Variants in CELSR1 observed in about 807,000 individuals in gnomAD.
The protein encoded by CELSR1 is adhesion G protein-coupled receptor C1.
A neutral mutation model predicts 249.1 loss-of-function variants in CELSR1; 110 were observed. That is an observed-to-expected ratio of 0.44 (90% confidence interval 0.38 to 0.52). The LOEUF (loss-of-function observed/expected upper bound fraction) is 0.52, where lower values mean the gene tolerates loss of function less well. Ranked by LOEUF, CELSR1 falls within the 20% of genes least tolerant of loss-of-function variation. CELSR1 has a pLI of 0.00. For missense variants in CELSR1, 4,109 were observed against 4,296.4 expected, an observed-to-expected ratio of 0.96 and a Z score of 1.22; for synonymous variants, 2,113 against 1,900.0, an observed-to-expected ratio of 1.11 and a Z score of -2.92.
In CELSR1 at chr22:46,361,176, C is replaced by T. The variant is rs534971184; in HGVS notation, c.*2047G>A. ...GAGAAAAACCAGCACCGCAGAAGTACAAATTCAAAAATCTTAATTTATTGT... is the reference window on the plus strand; with the variant it reads ...GAGAAAAACCAGCACCGCAGAAGTATAAATTCAAAAATCTTAATTTATTGT... On this transcript the variant is annotated 3_prime_UTR_variant, in exon 35 of 35. Transcript: ENST00000674500. The T allele has an allele frequency of 1.3e-5, 2 of 152,480 alleles. No individual in the cohort carries two copies. Among genetic ancestry groups the T allele is most frequent in the Non-Finnish European group, 2.9e-5 (2 of 68,032 alleles). The allele number at this position is 152,480 out of a possible 1,614,324, so 9.4% of individuals were successfully genotyped here.
Position 46,409,658 on chromosome 22 carries a change from T to G in CELSR1, c.5059+97A>C. 2.2e-5 allele frequency: 32 copies of G among 1,468,468 alleles called. 1 individual carries two copies. Among genetic ancestry groups the G allele is most frequent in the Non-Finnish European group, 2.3e-5 (25 of 1,067,068 alleles). 91.0% of individuals were successfully genotyped at this position (1,468,468 alleles called of 1,614,324 possible). ...ATATACCACCAGAGGCTGCCGGACC[T>G]GGATGTGAAGCCCCCTCACGGTGGT... is the stretch of plus-strand genomic sequence containing the variant. On this transcript the variant is annotated intron_variant, in intron 8 of 34. Transcript: ENST00000674500. This position sits in a 1 kb window ranked among gnomAD's most constrained non-coding sequence, Gnocchi z 9.8.
Position 46,413,905 on chromosome 22 carries a change from T to G in CELSR1, c.4612-2146A>C, listed in dbSNP as rs738446. ...CTTTACAACTTATAATTTACATTTT[T>G]GGGGCTGGGCGTGAGACTACTGGAG... On this transcript the variant is annotated intron_variant, in intron 5 of 34. Coordinates refer to ENST00000674500, the MANE Select transcript of CELSR1 (RefSeq NM_001378328.1). The surrounding 1 kb of genome is among the most constrained non-coding windows in gnomAD (Gnocchi z 4.7). 0.058 allele frequency among the ~76,000 whole-genome samples: 8,834 copies of G among 152,298 alleles called. 375 individuals are homozygous for G. The highest frequency in any genetic ancestry group is 0.095 in the Middle Eastern group (28 of 294).
At chr22:46,515,268 G>T (rs964087431) in intron 1 of CELSR1, among the ~76,000 whole-genome samples, 8 of 152,198 alleles carry the variant, frequency 5.3e-5, no homozygotes, top group African/African-American at 1.9e-4. Flanking sequence ...CCCCACCTGG[G>T]CCCTCCTGGG....
chr22:46,458,335 A>C (rs2079980992), intron 2 of CELSR1, among the ~76,000 whole-genome samples: 1 of 152,146 alleles, frequency 6.6e-6, no homozygotes, highest in South Asian at 2.1e-4. Flanking sequence ...TGATGTGACA[A>C]ATGCCTGCTT....
chr22:46,497,367 G>A (rs941862610), intron 1 of CELSR1, among the ~76,000 whole-genome samples: 1 of 152,044 alleles, frequency 6.6e-6, no homozygotes, highest in Non-Finnish European at 1.5e-5. Context: ...TTACTGCATT[G>A]ACTAAGACTT....
At chr22:46,457,768 A>G (rs1482573602) in intron 2 of CELSR1, among the ~76,000 whole-genome samples, 1 of 152,236 alleles carries the variant, frequency 6.6e-6, no homozygotes, top group Non-Finnish European at 1.5e-5. Context: ...GGCAGGACAG[A>G]GTCAGACATA....
At chr22:46,497,891 G>T (rs1452391173) in intron 1 of CELSR1, among the ~76,000 whole-genome samples, 3 of 152,058 alleles carry the variant, frequency 2.0e-5, no homozygotes, top group African/African-American at 7.2e-5. Context: ...CTATGTAAAA[G>T]AACAATGGGA....
At position 46,423,391 on chromosome 22, in the gene CELSR1, C is replaced by T. The variant is rs2147386880; in HGVS notation, c.4611+10002G>A. On this transcript the variant is annotated intron_variant, in intron 5 of 34. Coordinates refer to ENST00000674500, the MANE Select transcript of CELSR1 (RefSeq NM_001378328.1). The surrounding 1 kb of genome is among the most constrained non-coding windows in gnomAD (Gnocchi z 5.6). ...TGGGAGGCCGAGGGGGGCAGATCAC[C>T]TGAGGTCAGGAGTTCAAGACCAGCC... Among the ~76,000 whole-genome samples the T allele has an allele frequency of 6.6e-6, 1 of 152,026 alleles. No homozygotes were observed. The highest frequency in any genetic ancestry group is 2.1e-4 in the South Asian group (1 of 4,804).
chr22:46,414,994 G>A (rs565536510), intron 5 of CELSR1, among the ~76,000 whole-genome samples: 1 of 152,092 alleles, frequency 6.6e-6, no homozygotes, highest in African/African-American at 2.4e-5. Flanking sequence ...GGAACACATC[G>A]CGCTCAGTGA....
chr22:46,520,232 G>A (rs1027786614), intron 1 of CELSR1, among the ~76,000 whole-genome samples: 10 of 152,214 alleles, frequency 6.6e-5, no homozygotes, highest in African/African-American at 1.9e-4. Flanking sequence ...AGGCACAGAA[G>A]GAAGAAGAGC....
Position 46,512,848 on chromosome 22 carries a change from C to T in CELSR1, c.3544+20779G>A, listed in dbSNP as rs947789870. 7.2e-5 allele frequency among the ~76,000 whole-genome samples: 11 copies of T among 152,308 alleles called. No homozygotes were observed. The highest frequency in any genetic ancestry group is 2.1e-4 in the South Asian group (1 of 4,822). ...GGGCCCCCCACCCTCTTGTTCCTTCCGGGTCCGGGCTTGTCCCCCACAGCA... is the reference window on the plus strand; with the variant it reads ...GGGCCCCCCACCCTCTTGTTCCTTCTGGGTCCGGGCTTGTCCCCCACAGCA... On this transcript the variant is annotated intron_variant, in intron 1 of 34. Coordinates refer to ENST00000674500, the MANE Select transcript of CELSR1 (RefSeq NM_001378328.1). This position sits in a 1 kb window ranked among gnomAD's most constrained non-coding sequence, Gnocchi z 5.2.
chr22:46,480,494 A>G (rs192125153), intron 1 of CELSR1, among the ~76,000 whole-genome samples: 19 of 152,360 alleles, frequency 1.2e-4, no homozygotes, highest in Admixed American at 3.3e-4. Flanking sequence ...CCTTGTATAA[A>G]TTACACAAAA....
At chr22:46,493,461 G>A (rs781486521) in intron 1 of CELSR1, among the ~76,000 whole-genome samples, 5 of 151,030 alleles carry the variant, frequency 3.3e-5, no homozygotes, top group Non-Finnish European at 7.4e-5. Flanking sequence ...TAGGAGAATC[G>A]CTTGAACCTG....
rs368264114 is a variant in CELSR1, at chr22:46,402,360, T to C, written c.5227-2458A>G. 1.6e-4 allele frequency among the ~76,000 whole-genome samples: 25 copies of C among 151,930 alleles called. No homozygotes were observed. The highest frequency in any genetic ancestry group is 6.0e-4 in the African/African-American group (25 of 41,470). On this transcript the variant is annotated intron_variant, in intron 9 of 34. Coordinates refer to ENST00000674500, the MANE Select transcript of CELSR1 (RefSeq NM_001378328.1). The surrounding 1 kb of genome is among the most constrained non-coding windows in gnomAD (Gnocchi z 5.0). ...GCCTCCCGAGTAGCTGAGATACAGG[T>C]ACCCACCACCACACCCAGCTAATTT...
intron 5 of CELSR1, among the ~76,000 whole-genome samples, chr22:46,419,775 A>G (rs2079444275): frequency 6.9e-6 from 1 of 144,030 alleles, no homozygotes; most frequent in South Asian, 2.3e-4. Flanking sequence ...CACACTCACC[A>G]CTCACACTCA....
Position 46,412,451 on chromosome 22 carries a change from C to T in CELSR1, c.4612-692G>A, listed in dbSNP as rs1304758057. Among the ~76,000 whole-genome samples the T allele has an allele frequency of 4.6e-5, 7 of 152,192 alleles. No individual in the cohort carries two copies. The highest frequency in any genetic ancestry group is 5.9e-5 in the Non-Finnish European group (4 of 68,034). On this transcript the variant is annotated intron_variant, in intron 5 of 34. Transcript: ENST00000674500. The surrounding 1 kb of genome is among the most constrained non-coding windows in gnomAD (Gnocchi z 4.5). The stretch of plus-strand genomic sequence containing the variant: ...CAGGTTCGTGCTCCTGGAGTACAGA[C>T]ACCAGGAGGCCACTGCCCGGCCTGC...
Position 46,417,292 on chromosome 22 carries a change from C to T in CELSR1, c.4612-5533G>A, listed in dbSNP as rs776663062. Among the ~76,000 whole-genome samples the T allele has an allele frequency of 7.9e-5, 12 of 152,178 alleles. No homozygotes were observed. Among genetic ancestry groups the T allele is most frequent in the Non-Finnish European group, 1.3e-4 (9 of 68,022 alleles). ...CTTGGGAAAGTGGTGGGAAGGGTCA[C>T]GAGGAGCAAATTCACGCAGATGCAC... On this transcript the variant is annotated intron_variant, in intron 5 of 34. Transcript: ENST00000674500. This position sits in a 1 kb window ranked among gnomAD's most constrained non-coding sequence, Gnocchi z 4.1.
rs994113734 is a variant in CELSR1, at chr22:46,408,481, A to G, written c.5226+515T>C. Among the ~76,000 whole-genome samples the G allele has an allele frequency of 1.3e-5, 2 of 152,124 alleles. No homozygotes were observed. Among genetic ancestry groups the G allele is most frequent in the African/African-American group, 4.8e-5 (2 of 41,424 alleles). On this transcript the variant is annotated intron_variant, in intron 9 of 34. Transcript: ENST00000674500. This position sits in a 1 kb window ranked among gnomAD's most constrained non-coding sequence, Gnocchi z 4.6. ...CAGGTAGCTGGGGTTACAGGCCCCC[A>G]CTACCAAGCCTGGCTAATTTTTTTT...
Position 46,472,451 on chromosome 22 carries a change from A to T in CELSR1, c.3545-8106T>A, listed in dbSNP as rs990558988. 1.3e-5 allele frequency among the ~76,000 whole-genome samples: 2 copies of T among 152,000 alleles called. No individual in the cohort carries two copies. The highest frequency in any genetic ancestry group is 4.2e-4 in the South Asian group (2 of 4,818). ...CAGTTCCGAGACTCGGTGGCAGGTG[A>T]TTGGCGGCTGTGGGTGAAGAGCAGC... On this transcript the variant is annotated intron_variant, in intron 1 of 34. Transcript: ENST00000674500. This position sits in a 1 kb window ranked among gnomAD's most constrained non-coding sequence, Gnocchi z 7.0.
Sources: allele counts gnomAD v4.1 joint callset (sites outside exome capture counted in the v4.1 genomes callset), GRCh38; gene constraint gnomAD v4.1.1; non-coding constraint Gnocchi (gnomAD v3.1); transcripts MANE v1.5; gene names NCBI Gene and HGNC (gene_info 2026-07-23, HGNC 2026-07-21).